Variants in CAMK4 observed in about 807,000 individuals in gnomAD.
CAMK4 encodes the protein calcium/calmodulin dependent protein kinase IV.
CAMK4 carries 22 observed loss-of-function variants against 44.9 expected under a neutral mutation model. The ratio of observed to expected loss-of-function variants is 0.49; its 90% CI spans 0.35 to 0.70. The LOEUF (loss-of-function observed/expected upper bound fraction) is 0.70. CAMK4 is among the 30% of genes least tolerant of loss of function. The pLI, the probability that CAMK4 is intolerant of heterozygous loss-of-function variation, is 0.01. For synonymous variants in CAMK4, 218 were observed against 215.4 expected, an observed-to-expected ratio of 1.01 and a Z score of -0.11; for missense variants, 498 against 586.8, an observed-to-expected ratio of 0.85 and a Z score of 1.56.
intron 2 of CAMK4, among the ~76,000 whole-genome samples, chr5:111,373,739 ACTT>A: frequency 6.6e-6 from 1 of 152,278 alleles, no homozygotes; most frequent in South Asian, 2.1e-4. Flanking sequence ...TTGCACATAA[ACTT>A]CTTCACTTCT....
At chr5:111,370,472 T>A (rs967761150) in intron 2 of CAMK4, among the ~76,000 whole-genome samples, 1 of 151,414 alleles carries the variant, frequency 6.6e-6, no homozygotes, top group Non-Finnish European at 1.5e-5. Flanking sequence ...AAATGGCGGG[T>A]GTGGGAGTGG....
chr5:111,367,297 C>G (rs532411304), intron 2 of CAMK4, among the ~76,000 whole-genome samples: 11 of 151,626 alleles, frequency 7.3e-5, no homozygotes, highest in Non-Finnish European at 1.5e-4. Context: ...AGAGCCACTC[C>G]CATCATAACT....
At position 111,485,300 on chromosome 5, in the gene CAMK4, C is replaced by T. The variant is rs1242068288; in HGVS notation, c.*834C>T. 6.6e-6 allele frequency: 1 copy of T among 152,124 alleles called. No homozygotes were observed. Among genetic ancestry groups the T allele is most frequent in the Non-Finnish European group, 1.5e-5 (1 of 68,012 alleles). The allele number at this position is 152,124 out of a possible 1,614,324, so 9.4% of individuals were successfully genotyped here. ...AAACTGATGAAGATAAGATTGATTC[C>T]TTTTCATTTTCCAGATAAAATTGTA... On this transcript the variant is annotated 3_prime_UTR_variant, in exon 11 of 11. Transcript: ENST00000282356.
chr5:111,365,308 T>G (rs1362191319), intron 2 of CAMK4: 1 of 152,036 alleles, frequency 6.6e-6, no homozygotes, highest in Non-Finnish European at 1.5e-5. Flanking sequence ...AAATCAAGAT[T>G]TGTGATGTGG....
chr5:111,274,509 T>C (rs1450792391), intron 1 of CAMK4, among the ~76,000 whole-genome samples: 1 of 152,224 alleles, frequency 6.6e-6, no homozygotes, highest in African/African-American at 2.4e-5. Flanking sequence ...CTGATGGACA[T>C]TTGTTTCCAA....
At chr5:111,454,619 G>A (rs1580775526) in intron 7 of CAMK4, among the ~76,000 whole-genome samples, 2 of 146,594 alleles carry the variant, frequency 1.4e-5, no homozygotes, top group African/African-American at 5.0e-5. Flanking sequence ...AACATCTTGT[G>A]GATGAGAAAA....
At chr5:111,249,250 G>A (rs1749372061) in intron 1 of CAMK4, among the ~76,000 whole-genome samples, 2 of 152,048 alleles carry the variant, frequency 1.3e-5, no homozygotes, top group South Asian at 4.1e-4. Context: ...GTAAAACCCA[G>A]CCCTGTAAAA....
chr5:111,421,134 C>T (rs573315278), intron 5 of CAMK4, among the ~76,000 whole-genome samples: 1 of 152,286 alleles, frequency 6.6e-6, no homozygotes, highest in South Asian at 2.1e-4. Flanking sequence ...TCCATGAAAA[C>T]TTCACAATCC....
At chr5:111,473,730 T>C (rs753926149) in intron 8 of CAMK4, among the ~76,000 whole-genome samples, 7 of 152,252 alleles carry the variant, frequency 4.6e-5, no homozygotes, top group Non-Finnish European at 4.4e-5. Flanking sequence ...TTGCATCTTA[T>C]ATGAAATTAT....
chr5:111,376,960 A>G lies in CAMK4; in HGVS notation c.386+18A>G, dbSNP rs758174241. The G allele has an allele frequency of 2.0e-6, 3 of 1,518,986 alleles. No individual in the cohort carries two copies. The highest frequency in any genetic ancestry group is 2.7e-6 in the Non-Finnish European group (3 of 1,106,408). 94.1% of individuals were successfully genotyped at this position (1,518,986 alleles called of 1,614,324 possible). On this transcript the variant is annotated intron_variant, in intron 4 of 10. Coordinates refer to ENST00000282356, the MANE Select transcript of CAMK4 (RefSeq NM_001744.6). ...TTTGATAGGTGAGTTGGTTCTGGAA[A>G]TATAACCACAGAAAGGTTTGCTTTT... is the stretch of plus-strand genomic sequence containing the variant.
chr5:111,246,385 A>G (rs980024579), intron 1 of CAMK4, among the ~76,000 whole-genome samples: 6 of 152,218 alleles, frequency 3.9e-5, no homozygotes, highest in African/African-American at 1.4e-4. Context: ...ATGTAATTTA[A>G]TAAGTAAATA....
intron 1 of CAMK4, among the ~76,000 whole-genome samples, chr5:111,277,891 T>C (rs1399802559): frequency 6.6e-6 from 1 of 152,198 alleles, no homozygotes; most frequent in Non-Finnish European, 1.5e-5. Context: ...ACTGTGATCC[T>C]GGAAAATTTT....
intron 4 of CAMK4, among the ~76,000 whole-genome samples, chr5:111,390,131 G>T (rs771657757): frequency 1.3e-5 from 2 of 152,144 alleles, no homozygotes; most frequent in Non-Finnish European, 2.9e-5. Context: ...AAGAACAAAT[G>T]AATAATCATT....
At chr5:111,264,397 T>A (rs553467272) in intron 1 of CAMK4, among the ~76,000 whole-genome samples, 75 of 152,312 alleles carry the variant, frequency 4.9e-4, no homozygotes, top group African/African-American at 1.8e-3. Context: ...TTCCCAACGA[T>A]GCATAGATGC....
intron 1 of CAMK4, among the ~76,000 whole-genome samples, chr5:111,333,454 A>G (rs1389296981): frequency 2.0e-5 from 3 of 151,694 alleles, no homozygotes; most frequent in Admixed American, 1.3e-4. Flanking sequence ...CCTTTATTCC[A>G]TAGTTTTATT....
intron 1 of CAMK4, chr5:111,270,137 A>T (rs1750443771): frequency 1.3e-5 from 2 of 152,236 alleles, no homozygotes; most frequent in Admixed American, 1.3e-4. Context: ...TACTGTCAGA[A>T]TATCTGCTGG....
At chr5:111,313,026 C>A (rs1203296612) in intron 1 of CAMK4, among the ~76,000 whole-genome samples, 1 of 152,072 alleles carries the variant, frequency 6.6e-6, no homozygotes, top group African/African-American at 2.4e-5. Context: ...AGGGATGCCC[C>A]TTCTATTCTG....
chr5:111,225,572 G>A (rs375134297), intron 1 of CAMK4, among the ~76,000 whole-genome samples: 61 of 152,076 alleles, frequency 4.0e-4, no homozygotes, highest in Middle Eastern at 3.4e-3. Context: ...TAATTTCAAC[G>A]GTTGACAAGT....
At position 111,309,892 on chromosome 5, in the gene CAMK4, C is replaced by T. The variant is rs77154414; in HGVS notation, c.162-34132C>T. 1.7e-3 allele frequency among the ~76,000 whole-genome samples: 266 copies of T among 152,204 alleles called. 4 individuals are homozygous for T. In the East Asian group the frequency reaches 0.048, roughly 28 times the overall value. ...GGTGGGGGCAGATATTGATAAGGGA[C>T]ATAGGCTAGGCTGATACCTTAATTT... On this transcript the variant is annotated intron_variant, in intron 1 of 10. Transcript: ENST00000282356.
Sources: gnomAD v4.1 joint callset for allele counts (sites outside exome capture counted in the v4.1 genomes callset) on GRCh38, gnomAD v4.1.1 for gene constraint, MANE v1.5 for transcripts, NCBI Gene and HGNC (gene_info 2026-07-23, HGNC 2026-07-21) for gene names.